Variants in MEI4 observed in about 807,000 individuals in gnomAD.
MEI4 encodes meiotic double-stranded break formation protein 4.
Under a neutral mutation model 31.4 loss-of-function variants are expected in MEI4, and 27 were observed. The observed-to-expected ratio is 0.86, with a 90% CI of 0.63 to 1.19. The LOEUF (loss-of-function observed/expected upper bound fraction) is 1.19, where lower values mean the gene tolerates loss of function less well. MEI4 is among the 50% of genes most tolerant of loss of function. The pLI, the probability that MEI4 is intolerant of heterozygous loss-of-function variation, is 0.00. For synonymous variants in MEI4, 122 were observed against 145.4 expected (o/e 0.84, Z 1.16); for missense variants, 329 against 398.9 (o/e 0.82, Z 1.49).
chr6:77,914,421 G>A (rs1032265864), intron 4 of MEI4, among the ~76,000 whole-genome samples: 2 of 151,774 alleles, frequency 1.3e-5, no homozygotes, highest in Admixed American at 6.6e-5. Context: ...TCTTTTTACT[G>A]ATTTTATATT....
intron 4 of MEI4, among the ~76,000 whole-genome samples, chr6:77,874,967 T>C (rs1349522654): frequency 1.3e-5 from 2 of 152,236 alleles, no homozygotes; most frequent in East Asian, 1.9e-4. Context: ...CACCTGCTTT[T>C]AGTTTCCTTA....
intron 4 of MEI4, among the ~76,000 whole-genome samples, chr6:77,891,910 T>C (rs536403454): frequency 1.4e-4 from 21 of 152,340 alleles, no homozygotes; most frequent in African/African-American, 4.6e-4. Flanking sequence ...TGTCTGTGTC[T>C]TCCTCATTTG....
At chr6:77,800,688 A>G (rs1463810256) in intron 3 of MEI4, among the ~76,000 whole-genome samples, 3 of 151,508 alleles carry the variant, frequency 2.0e-5, no homozygotes, top group African/African-American at 7.3e-5. Flanking sequence ...TTTAGTCAGA[A>G]TTTTTAGCAT....
intron 2 of MEI4, among the ~76,000 whole-genome samples, chr6:77,748,061 C>A (rs771836366): frequency 3.8e-4 from 58 of 152,172 alleles, no homozygotes; most frequent in Admixed American, 9.2e-4. Context: ...TTTGGCAGCT[C>A]CGTCACAGGG....
chr6:77,715,084 C>T (rs1454207782), intron 2 of MEI4, among the ~76,000 whole-genome samples: 2 of 152,076 alleles, frequency 1.3e-5, no homozygotes, highest in Non-Finnish European at 2.9e-5. Flanking sequence ...ATGAATTAAA[C>T]AGAATACAGT....
intron 1 of MEI4, among the ~76,000 whole-genome samples, chr6:77,661,893 G>T (rs1363070951): frequency 3.9e-5 from 6 of 152,160 alleles, no homozygotes; most frequent in African/African-American, 1.2e-4. Flanking sequence ...CTAGCTGCTT[G>T]TCTAGCCACC....
intron 4 of MEI4, among the ~76,000 whole-genome samples, chr6:77,914,429 A>G (rs1766497492): frequency 6.6e-6 from 1 of 151,942 alleles, no homozygotes; most frequent in South Asian, 2.1e-4. Flanking sequence ...CTGATTTTAT[A>G]TTTTATTCCA....
At chr6:77,732,439 T>G (rs1767030185) in intron 2 of MEI4, among the ~76,000 whole-genome samples, 1 of 152,102 alleles carries the variant, frequency 6.6e-6, no homozygotes, top group South Asian at 2.1e-4. Context: ...TGTCTGTTCT[T>G]GGTGTATAAG....
intron 3 of MEI4, among the ~76,000 whole-genome samples, chr6:77,827,007 A>G (rs1446900898): frequency 6.6e-6 from 1 of 152,132 alleles, no homozygotes; most frequent in African/African-American, 2.4e-5. Flanking sequence ...CTACATTTAC[A>G]GGAATCATTC....
At chr6:77,914,113 TATTA>T (rs1197577717) in intron 4 of MEI4, among the ~76,000 whole-genome samples, 1 of 151,866 alleles carries the variant, frequency 6.6e-6, no homozygotes, top group African/African-American at 2.4e-5. Flanking sequence ...GCTTGATCTT[TATTA>T]GTTTTTTTTT....
intron 4 of MEI4, among the ~76,000 whole-genome samples, chr6:77,855,098 G>C (rs758845143): frequency 6.6e-6 from 1 of 152,084 alleles, no homozygotes; most frequent in Admixed American, 6.6e-5. Context: ...CAGCCAGCAC[G>C]TTGGGAGGCC....
At chr6:77,877,715 CTTTTTT>C (rs56798153) in intron 4 of MEI4, among the ~76,000 whole-genome samples, 1 of 125,900 alleles carries the variant, frequency 7.9e-6, no homozygotes, top group Non-Finnish European at 1.7e-5. Flanking sequence ...AGCAGTCAGC[CTTTTTT>C]TTTTTTTTTT....
intron 3 of MEI4, among the ~76,000 whole-genome samples, chr6:77,791,257 G>C (rs375849400): frequency 3.9e-5 from 6 of 152,008 alleles, no homozygotes; most frequent in African/African-American, 4.8e-5. Context: ...CATTATTCAC[G>C]ATAGCAAAGA....
At chr6:77,788,763 G>C (rs906210877) in intron 3 of MEI4, among the ~76,000 whole-genome samples, 2 of 152,010 alleles carry the variant, frequency 1.3e-5, no homozygotes, top group East Asian at 1.9e-4. Flanking sequence ...AGGATACAAA[G>C]AAATGGAAGA....
At chr6:77,749,658 G>T (rs1356523919) in intron 2 of MEI4, among the ~76,000 whole-genome samples, 4 of 152,176 alleles carry the variant, frequency 2.6e-5, no homozygotes, top group Admixed American at 6.6e-5. Context: ...GTACCTGAAA[G>T]AGACTGGGAG....
At chr6:77,756,670 C>G (rs1360420383) in intron 2 of MEI4, among the ~76,000 whole-genome samples, 2 of 150,942 alleles carry the variant, frequency 1.3e-5, no homozygotes, top group Non-Finnish European at 3.0e-5. Context: ...CCTCTCTCTC[C>G]CCCCCGCCGC....
At chr6:77,752,462 C>T (rs1280373897) in intron 2 of MEI4, among the ~76,000 whole-genome samples, 1 of 152,076 alleles carries the variant, frequency 6.6e-6, no homozygotes, top group Non-Finnish European at 1.5e-5. Context: ...TTCTTATACA[C>T]CAAGAACAGA....
intron 1 of MEI4, among the ~76,000 whole-genome samples, chr6:77,664,209 G>A (rs1768575489): frequency 6.6e-6 from 1 of 152,166 alleles, no homozygotes; most frequent in Non-Finnish European, 1.5e-5. Flanking sequence ...TTGAGGGCCG[G>A]AATTTAATTT....
chr6:77,743,001 C>G (rs1402261629), intron 2 of MEI4, among the ~76,000 whole-genome samples: 1 of 151,956 alleles, frequency 6.6e-6, no homozygotes, highest in Non-Finnish European at 1.5e-5. Flanking sequence ...GGTACCAGTA[C>G]CATGCTGTTT....
Sources: allele counts gnomAD v4.1 joint callset (sites outside exome capture counted in the v4.1 genomes callset), GRCh38; gene constraint gnomAD v4.1.1; transcripts MANE v1.5; gene names NCBI Gene and HGNC (gene_info 2026-07-23, HGNC 2026-07-21).